Variants in STX7 observed in about 807,000 individuals in gnomAD.
The protein encoded by STX7 is syntaxin 7, also known as syntaxin-7.
A neutral mutation model predicts 39.6 loss-of-function variants in STX7; 34 were observed. That is an observed-to-expected ratio of 0.86 (90% CI 0.65 to 1.14). The LOEUF (loss-of-function observed/expected upper bound fraction) is 1.14. Among genes scored for constraint, STX7 ranks in the 50% most tolerant of loss-of-function variants. The pLI is 0.00. For missense variants in STX7, 284 were observed against 310.4 expected (o/e 0.92, Z 0.64); for synonymous variants, 119 against 99.1 (o/e 1.20, Z -1.19).
Position 132,490,081 on chromosome 6 carries a change from T to C in STX7, c.85+13365A>G, listed in dbSNP as rs572067618. Among the ~76,000 whole-genome samples the C allele has an allele frequency of 6.8e-4, 103 of 152,348 alleles. 1 individual carries two copies. The highest frequency in any genetic ancestry group is 6.3e-3 in the Admixed American group (96 of 15,300). ...TCAGTTTACCTGCTCTGAGGTAGTC[T>C]GGAATCAGAAGCAACAACGGTTCCA... On this transcript the variant is annotated intron_variant, in intron 2 of 9. Transcript: ENST00000367941.
intron 1 of STX7, among the ~76,000 whole-genome samples, chr6:132,509,926 T>A (rs2114491299): frequency 6.6e-6 from 1 of 152,326 alleles, no homozygotes; most frequent in East Asian, 1.9e-4. Context: ...CGCACTAAAG[T>A]ACTCTTGTTG....
intron 5 of STX7, among the ~76,000 whole-genome samples, chr6:132,471,207 T>C (rs546474251): frequency 6.6e-6 from 1 of 152,350 alleles, no homozygotes; most frequent in East Asian, 1.9e-4. Flanking sequence ...CCTAATCTTT[T>C]TTGACAAAAT....
intron 7 of STX7, among the ~76,000 whole-genome samples, chr6:132,469,185 C>T (rs1774641736): frequency 1.3e-5 from 2 of 152,066 alleles, no homozygotes; most frequent in Admixed American, 1.3e-4. Flanking sequence ...AAGTAGGTTC[C>T]ATAAGAACTA....
chr6:132,463,944 C>A (rs752695963), intron 9 of STX7, 49 bp downstream of exon 9: 42 of 1,553,694 alleles, frequency 2.7e-5, no homozygotes, highest in Non-Finnish European at 3.6e-5. Context: ...CACACACACA[C>A]ACATACGAAA....
At chr6:132,468,093 C>T (rs951054331) in intron 8 of STX7, among the ~76,000 whole-genome samples, 2 of 152,134 alleles carry the variant, frequency 1.3e-5, no homozygotes, top group Non-Finnish European at 1.5e-5. Flanking sequence ...AAGACTAAAA[C>T]CAGAGGCCCT....
At chr6:132,473,450 A>G (rs1483854092) in intron 3 of STX7, among the ~76,000 whole-genome samples, 6 of 151,476 alleles carry the variant, frequency 4.0e-5, no homozygotes, top group Admixed American at 3.9e-4. Flanking sequence ...AATACCCAAT[A>G]CAATAATGTA....
At chr6:132,470,743 G>T in intron 5 of STX7, 117 bp from the exon 6 acceptor site, 2 of 613,472 alleles carry the variant, frequency 3.3e-6, no homozygotes, top group Non-Finnish European at 5.7e-6. Context: ...ACGTGTCTGT[G>T]TGTATGTGTG....
At chr6:132,489,417 G>A (rs1410497316) in intron 2 of STX7, among the ~76,000 whole-genome samples, 2 of 152,090 alleles carry the variant, frequency 1.3e-5, no homozygotes, top group Admixed American at 6.6e-5. Flanking sequence ...ACCAAGAAAA[G>A]TGTATTAAAA....
intron 2 of STX7, among the ~76,000 whole-genome samples, chr6:132,492,024 A>G (rs778601525): frequency 2.6e-5 from 4 of 152,120 alleles, no homozygotes; most frequent in Non-Finnish European, 5.9e-5. Context: ...CCTCTGCACC[A>G]GCACTGCACT....
Position 132,463,748 on chromosome 6 carries a change from C to T in STX7, c.693+245G>A, listed in dbSNP as rs146068285. Among the ~76,000 whole-genome samples the T allele has an allele frequency of 2.7e-3, 412 of 152,280 alleles. 2 individuals carry two copies. The highest frequency in any genetic ancestry group is 9.4e-3 in the African/African-American group (391 of 41,564). ...TCAGAAAGCCTAGAATTGTCTCTGC[C>T]GCCCAAACACTAAACTTTCTCTCCC... is the stretch of plus-strand genomic sequence containing the variant. On this transcript the variant is annotated intron_variant, in intron 9 of 9. Transcript: ENST00000367941.
intron 3 of STX7, among the ~76,000 whole-genome samples, chr6:132,474,177 G>A (rs1031483403): frequency 7.6e-6 from 1 of 131,970 alleles, no homozygotes; most frequent in Non-Finnish European, 1.5e-5. Flanking sequence ...GCAGTGAACC[G>A]TGATAATGTC....
chr6:132,500,066 C>A (rs1775518401), intron 2 of STX7, among the ~76,000 whole-genome samples: 1 of 152,212 alleles, frequency 6.6e-6, no homozygotes, highest in South Asian at 2.1e-4. Flanking sequence ...TTCTCTCCAT[C>A]CCCACTGCCA....
chr6:132,495,000 C>CTAAGA (rs1260679130), intron 2 of STX7, among the ~76,000 whole-genome samples: 2 of 152,238 alleles, frequency 1.3e-5, no homozygotes, highest in African/African-American at 4.8e-5. Flanking sequence ...GGTAGAACCA[C>CTAAGA]TAAGATTTAC....
intron 3 of STX7, among the ~76,000 whole-genome samples, chr6:132,474,227 C>CAAAAAAAAA (rs67939950): frequency 1.4e-5 from 1 of 69,924 alleles, no homozygotes; most frequent in African/African-American, 5.7e-5. Flanking sequence ...GATCCTGTCT[C>CAAAAAAAAA]AAAAAAAAAA....
At position 132,451,401 on chromosome 6, in the gene STX7, T is replaced by C. The variant is rs933248805; in HGVS notation, c.*9357A>G. ...GTGAGCCACCCCTCTTGGCTGGAAG[T>C]GGCAGAACAATTTTCAAGTGCTGAA... On this transcript the variant is annotated 3_prime_UTR_variant, in exon 10 of 10. Transcript: ENST00000367941. 1 of 152,200 alleles carries C rather than the reference T, an allele frequency of 6.6e-6. No homozygotes were observed. Among genetic ancestry groups the C allele is most frequent in the African/African-American group, 2.4e-5 (1 of 41,442 alleles). 9.4% of individuals were successfully genotyped at this position (152,200 alleles called of 1,614,324 possible).
At chr6:132,506,351 T>G (rs1350119393) in intron 1 of STX7, among the ~76,000 whole-genome samples, 2 of 151,740 alleles carry the variant, frequency 1.3e-5, no homozygotes, top group Non-Finnish European at 2.9e-5. Flanking sequence ...AAACTACACA[T>G]CCAACGAGAT....
chr6:132,470,653 T>C (rs752538165), intron 5 of STX7, 27 bp from the exon 6 acceptor site: 5 of 1,582,130 alleles, frequency 3.2e-6, no homozygotes, highest in African/African-American at 1.4e-5. Flanking sequence ...CAGGATGGAA[T>C]GAGAAGGGGC....
chr6:132,471,046 G>T lies in STX7; in HGVS notation c.387+417C>A, dbSNP rs78332821. Among the ~76,000 whole-genome samples, 382 of 152,196 alleles carry T rather than the reference G, an allele frequency of 2.5e-3. 1 individual carries two copies. Among genetic ancestry groups the T allele is most frequent in the Middle Eastern group, 6.8e-3 (2 of 294 alleles). The stretch of plus-strand genomic sequence containing the variant: ...TTTCATTTATTTTCTCCAGGCTCAT[G>T]TTCATTTTCAATATTGATACAACAT... On this transcript the variant is annotated intron_variant, in intron 5 of 9. Coordinates refer to ENST00000367941, the MANE Select transcript of STX7 (RefSeq NM_003569.3).
chr6:132,490,066 T>C (rs985879392), intron 2 of STX7, among the ~76,000 whole-genome samples: 7 of 152,236 alleles, frequency 4.6e-5, no homozygotes, highest in African/African-American at 7.2e-5. Flanking sequence ...TCAGTTTACC[T>C]GCTCTGAGGT....
Sources: allele counts gnomAD v4.1 joint callset (sites outside exome capture counted in the v4.1 genomes callset), GRCh38; gene constraint gnomAD v4.1.1; transcripts MANE v1.5; gene names NCBI Gene and HGNC (gene_info 2026-07-23, HGNC 2026-07-21).